Variants in ZMAT4 observed in about 807,000 individuals in gnomAD.
ZMAT4 encodes zinc finger matrin-type protein 4.
Under a neutral mutation model 28.7 loss-of-function variants are expected in ZMAT4, and 17 were observed. The ratio of observed to expected loss-of-function variants is 0.59; its 90% CI spans 0.41 to 0.89. The LOEUF is 0.89. Ranked by LOEUF, ZMAT4 falls within the 40% of genes least tolerant of loss-of-function variation. ZMAT4 has a pLI of 0.00. For missense variants in ZMAT4, 240 were observed against 283.8 expected, an observed-to-expected ratio of 0.85 and a Z score of 1.11; for synonymous variants, 117 against 109.2, an observed-to-expected ratio of 1.07 and a Z score of -0.44.
At chr8:40,882,350 T>C (rs1818310763) in intron 1 of ZMAT4, among the ~76,000 whole-genome samples, 1 of 152,194 alleles carries the variant, frequency 6.6e-6, no homozygotes, top group Non-Finnish European at 1.5e-5. Flanking sequence ...CCAGGATTTA[T>C]TTTTCTGAAG....
intron 1 of ZMAT4, among the ~76,000 whole-genome samples, chr8:40,881,433 GAGAAAGAAAGAAAGAAAGAA>G (rs35018481): frequency 0.027 from 1,912 of 70,286 alleles, 32 homozygotes; most frequent in Non-Finnish European, 0.038. Flanking sequence ...AGAAGAAAGA[GAGAAAGAAAGAAAGAAAGAA>G]AGAAAGAAAG....
chr8:40,829,043 A>G (rs1816180807), intron 1 of ZMAT4, among the ~76,000 whole-genome samples: 1 of 152,152 alleles, frequency 6.6e-6, no homozygotes, highest in Non-Finnish European at 1.5e-5. Context: ...GAGTAGAGAC[A>G]GAGCCACTGA....
Position 40,797,215 on chromosome 8 carries a change from C to T in ZMAT4, c.102+28360G>A, listed in dbSNP as rs906331347. ...GGCCTGTCCACCACACCACATCCTACTCCACTAGCCACTAACACCAAAAAA... is the reference window on the plus strand; with the variant it reads ...GGCCTGTCCACCACACCACATCCTATTCCACTAGCCACTAACACCAAAAAA... On this transcript the variant is annotated intron_variant, in intron 2 of 6. Coordinates refer to ENST00000297737, the MANE Select transcript of ZMAT4 (RefSeq NM_024645.3). Among the ~76,000 whole-genome samples, 7 of 152,200 alleles carry T rather than the reference C, an allele frequency of 4.6e-5. No individual in the cohort carries two copies. The South Asian group carries it at 1.2e-3, about 27-fold the overall frequency.
chr8:40,576,509 T>A (rs1804268010), intron 6 of ZMAT4, among the ~76,000 whole-genome samples: 1 of 146,142 alleles, frequency 6.8e-6, no homozygotes. Flanking sequence ...GAGAATGGGA[T>A]GACATATTTA....
chr8:40,854,848 C>T lies in ZMAT4; in HGVS notation c.-4-29168G>A, dbSNP rs192878234. 3.9e-5 allele frequency among the ~76,000 whole-genome samples: 6 copies of T among 152,126 alleles called. No homozygotes were observed. The East Asian group carries it at 7.7e-4, about 20-fold the overall frequency. Reference sequence around the variant, plus strand: ...GGAAAAGAAAGGAGGAGAAATACTGCGAGATACCCTAAAGGGCTAATTACA... The same window carrying T: ...GGAAAAGAAAGGAGGAGAAATACTGTGAGATACCCTAAAGGGCTAATTACA... On this transcript the variant is annotated intron_variant, in intron 1 of 6. Transcript: ENST00000297737.
In ZMAT4 at chr8:40,543,240, G is replaced by A. The variant is rs545321970; in HGVS notation, c.675-11002C>T. On this transcript the variant is annotated intron_variant, in intron 6 of 6. Coordinates refer to ENST00000297737, the MANE Select transcript of ZMAT4 (RefSeq NM_024645.3). ...CAGGGCCAAACTGTAACTTATAAAC[G>A]TGCTGATAGGCCACGGAAGAGGATA... Among the ~76,000 whole-genome samples the A allele has an allele frequency of 9.1e-4, 139 of 152,250 alleles. 1 individual carries two copies. The highest frequency in any genetic ancestry group is 2.7e-3 in the African/African-American group (112 of 41,550).
In ZMAT4 at chr8:40,593,125, C is replaced by T. The variant is rs111250070; in HGVS notation, c.578-11864G>A. Among the ~76,000 whole-genome samples the T allele has an allele frequency of 2.1e-3, 322 of 152,218 alleles. 1 individual carries two copies. The highest frequency in any genetic ancestry group is 7.6e-3 in the African/African-American group (316 of 41,538). On this transcript the variant is annotated intron_variant, in intron 5 of 6. Transcript: ENST00000297737. ...TACGAAATGTGTTTTTTCTTTCCTT[C>T]CCATGCCGGTGCCATAGATCTCGTC... is the stretch of plus-strand genomic sequence containing the variant.
At position 40,594,018 on chromosome 8, in the gene ZMAT4, C is replaced by A. The variant is rs182188920; in HGVS notation, c.578-12757G>T. 7.6e-4 allele frequency among the ~76,000 whole-genome samples: 116 copies of A among 152,296 alleles called. 1 individual carries two copies. Among genetic ancestry groups the A allele is most frequent in the African/African-American group, 2.1e-3 (89 of 41,564 alleles). On this transcript the variant is annotated intron_variant, in intron 5 of 6. Transcript: ENST00000297737. ...AAGTCTTCAACACCAGAAGAAAACA[C>A]CTTTAAAGATGAAATTTCAGGTGTG...
intron 5 of ZMAT4, among the ~76,000 whole-genome samples, chr8:40,655,674 T>A (rs557198776): frequency 4.0e-5 from 6 of 151,806 alleles, no homozygotes; most frequent in Non-Finnish European, 7.4e-5. Context: ...GTCCATTGAG[T>A]TTCAGCAAAG....
chr8:40,653,370 A>C (rs1179558848), intron 5 of ZMAT4, among the ~76,000 whole-genome samples: 1 of 152,064 alleles, frequency 6.6e-6, no homozygotes, highest in Non-Finnish European at 1.5e-5. Context: ...TACTCAATGA[A>C]AAAACTCAAT....
chr8:40,709,821 G>A (rs536970686), intron 3 of ZMAT4, among the ~76,000 whole-genome samples: 1 of 152,280 alleles, frequency 6.6e-6, no homozygotes, highest in Non-Finnish European at 1.5e-5. Context: ...GGTAGATCAC[G>A]AGGTCCGGAG....
At chr8:40,769,590 C>A (rs188617035) in intron 2 of ZMAT4, among the ~76,000 whole-genome samples, 1 of 152,112 alleles carries the variant, frequency 6.6e-6, no homozygotes, top group East Asian at 1.9e-4. Flanking sequence ...AGCACGCAGA[C>A]GATAATGGGT....
intron 5 of ZMAT4, among the ~76,000 whole-genome samples, chr8:40,668,468 CAAAAAAAAAAAAA>C (rs71224843): frequency 1.2e-5 from 1 of 85,022 alleles, no homozygotes; most frequent in African/African-American, 4.7e-5. Flanking sequence ...GACTTTGTCT[CAAAAAAAAAAAAA>C]AAAAAGAAAA....
intron 2 of ZMAT4, among the ~76,000 whole-genome samples, chr8:40,817,801 T>C (rs753830113): frequency 1.3e-5 from 2 of 152,216 alleles, no homozygotes; most frequent in African/African-American, 2.4e-5. Context: ...GTGTGTTCTA[T>C]GTCAGGGAAA....
chr8:40,562,939 C>T (rs113950917), intron 6 of ZMAT4, among the ~76,000 whole-genome samples: 41 of 152,180 alleles, frequency 2.7e-4, no homozygotes, highest in Non-Finnish European at 5.1e-4. Context: ...CACATGTGTG[C>T]AGTGTAAACA....
chr8:40,777,945 G>T (rs765835515), intron 2 of ZMAT4, among the ~76,000 whole-genome samples: 1 of 152,094 alleles, frequency 6.6e-6, no homozygotes, highest in Admixed American at 6.5e-5. Flanking sequence ...ATTGAACTCG[G>T]TTATTCTGAG....
chr8:40,893,348 C>T (rs1105692), intron 1 of ZMAT4, among the ~76,000 whole-genome samples: 4,469 of 152,190 alleles, frequency 0.029, 136 homozygotes, highest in Admixed American at 0.085. Context: ...AAGGTTGGAG[C>T]GGAAAGGAGC....
At chr8:40,776,159 G>A (rs997704288) in intron 2 of ZMAT4, among the ~76,000 whole-genome samples, 34 of 152,130 alleles carry the variant, frequency 2.2e-4, no homozygotes, top group African/African-American at 7.7e-4. Flanking sequence ...GTTCTCCTGG[G>A]GTCTTTCTTC....
chr8:40,827,131 A>G (rs1342772373), intron 1 of ZMAT4, among the ~76,000 whole-genome samples: 1 of 152,168 alleles, frequency 6.6e-6, no homozygotes, highest in Admixed American at 6.5e-5. Context: ...GCATGATTCC[A>G]ATTTCCACAA....
Sources: allele counts gnomAD v4.1 joint callset (sites outside exome capture counted in the v4.1 genomes callset), GRCh38; gene constraint gnomAD v4.1.1; transcripts MANE v1.5; gene names NCBI Gene and HGNC (gene_info 2026-07-23, HGNC 2026-07-21).